Variants in LINGO2 observed in about 807,000 individuals in gnomAD.
LINGO2 encodes the protein leucine rich repeat and Ig domain containing 2, also known as leucine-rich repeat and immunoglobulin-like domain-containing nogo receptor-interacting protein 2.
A neutral mutation model predicts 30.6 loss-of-function variants in LINGO2; 14 were observed. The observed-to-expected ratio is 0.46, with a 90% CI of 0.30 to 0.72. LINGO2 has a LOEUF of 0.72. Among genes scored for constraint, LINGO2 ranks in the 30% least tolerant of loss-of-function variants. The pLI is 0.07. For synonymous variants in LINGO2, 317 were observed against 288.5 expected, an observed-to-expected ratio of 1.10 and a Z score of -1.00; for missense variants, 729 against 751.7, an observed-to-expected ratio of 0.97 and a Z score of 0.35.
At chr9:28,953,356 A>G in the LINGO2 span, among the ~76,000 whole-genome samples, 2 of 152,278 alleles carry the variant, frequency 1.3e-5, no homozygotes, top group East Asian at 1.9e-4. Flanking sequence ...AATGAAGAGC[A>G]TTAATTAATG....
At chr9:28,013,201 C>A (rs1247795067) in intron 4 of LINGO2, among the ~76,000 whole-genome samples, 2 of 152,136 alleles carry the variant, frequency 1.3e-5, no homozygotes, top group Non-Finnish European at 2.9e-5. Context: ...ACATAGAATT[C>A]CCTATTTCTG....
intron 1 of LINGO2, among the ~76,000 whole-genome samples, chr9:28,561,133 T>C (rs1312454982): frequency 6.6e-6 from 1 of 152,032 alleles, no homozygotes; most frequent in Non-Finnish European, 1.5e-5. Context: ...TACTTATCAG[T>C]ACCCTTATGT....
the LINGO2 span, among the ~76,000 whole-genome samples, chr9:28,834,059 GT>G: frequency 5.4e-5 from 8 of 149,478 alleles, no homozygotes; most frequent in Non-Finnish European, 1.2e-4. Flanking sequence ...ATCTCCTAAT[GT>G]GCCTACTCTA....
At chr9:28,257,721 T>C (rs182782459) in intron 4 of LINGO2, among the ~76,000 whole-genome samples, 60 of 152,044 alleles carry the variant, frequency 3.9e-4, no homozygotes, top group Admixed American at 1.4e-3. Context: ...TAGAGCTATT[T>C]CTGCCCAGTA....
the LINGO2 span, among the ~76,000 whole-genome samples, chr9:29,118,986 G>T: frequency 1.3e-5 from 2 of 152,092 alleles, no homozygotes; most frequent in Non-Finnish European, 2.9e-5. Flanking sequence ...TCTGGAATCA[G>T]TCCTGCTCAT....
chr9:28,382,887 G>C (rs1160779233), intron 2 of LINGO2, among the ~76,000 whole-genome samples: 1 of 152,124 alleles, frequency 6.6e-6, no homozygotes, highest in Admixed American at 6.6e-5. Flanking sequence ...TTGATACATT[G>C]AGATCACTAA....
chr9:28,684,175 C>CTTTTTTTTTTTTTTTTTTTTTTTTTTTTT, the LINGO2 span, among the ~76,000 whole-genome samples: 1 of 45,438 alleles, frequency 2.2e-5, no homozygotes, highest in Non-Finnish European at 3.8e-5. Flanking sequence ...AAATGTTTAT[C>CTTTTTTTTTTTTTTTTTTTTTTTTTTTTT]TTTTTTTTTT....
intron 2 of LINGO2, among the ~76,000 whole-genome samples, chr9:28,461,894 C>T (rs1412249627): frequency 6.6e-6 from 1 of 152,106 alleles, no homozygotes; most frequent in Non-Finnish European, 1.5e-5. Flanking sequence ...TTTTTAACTA[C>T]TCTGTGAGTT....
chr9:29,019,262 A>C, the LINGO2 span, among the ~76,000 whole-genome samples: 2 of 152,130 alleles, frequency 1.3e-5, no homozygotes, highest in Non-Finnish European at 2.9e-5. Flanking sequence ...TTAGACTTCA[A>C]ATTTTATTTT....
Position 28,279,037 on chromosome 9 carries a change from T to G in LINGO2, c.-87+16171A>C, listed in dbSNP as rs1332506917. 2.0e-5 allele frequency among the ~76,000 whole-genome samples: 3 copies of G among 152,252 alleles called. No homozygotes were observed. In the East Asian group the frequency reaches 5.8e-4, roughly 29 times the overall value. On this transcript the variant is annotated intron_variant, in intron 4 of 5. Transcript: ENST00000379992. ...GACTTTGAAAGGTTACAGGCTTCGG[T>G]AGAGAAAGTAACTACAAATGAGGTA...
intron 1 of LINGO2, among the ~76,000 whole-genome samples, chr9:28,615,343 C>A (rs117342444): frequency 1.3e-5 from 2 of 152,124 alleles, no homozygotes; most frequent in Non-Finnish European, 2.9e-5. Context: ...TAAACGCCTA[C>A]GCAAGTCCAA....
At chr9:29,120,139 A>G in the LINGO2 span, among the ~76,000 whole-genome samples, 3 of 152,184 alleles carry the variant, frequency 2.0e-5, no homozygotes. Context: ...AGAAATGCCA[A>G]TATCCAAGGC....
chr9:29,199,253 T>G, the LINGO2 span, among the ~76,000 whole-genome samples: 9 of 152,060 alleles, frequency 5.9e-5, no homozygotes, highest in African/African-American at 1.9e-4. Context: ...ACTTCAAAAC[T>G]CATTAATCAG....
At chr9:28,941,421 C>T in the LINGO2 span, among the ~76,000 whole-genome samples, 1 of 152,082 alleles carries the variant, frequency 6.6e-6, no homozygotes, top group Non-Finnish European at 1.5e-5. Context: ...ATGATAGTAC[C>T]ACAAGTGTCT....
At chr9:27,985,598 G>T (rs1027154818) in intron 5 of LINGO2, among the ~76,000 whole-genome samples, 3 of 134,306 alleles carry the variant, frequency 2.2e-5, no homozygotes, top group African/African-American at 3.3e-5. Flanking sequence ...ACAAGAAAAA[G>T]TGTAGTACAA....
chr9:29,091,383 T>C, the LINGO2 span, among the ~76,000 whole-genome samples: 9 of 148,406 alleles, frequency 6.1e-5, no homozygotes, highest in African/African-American at 2.0e-4. Context: ...AAGAATTCCA[T>C]ATGAATAGTA....
chr9:28,791,320 T>C, the LINGO2 span, among the ~76,000 whole-genome samples: 7 of 152,098 alleles, frequency 4.6e-5, no homozygotes, highest in Non-Finnish European at 1.0e-4. Context: ...CTGTATGTAA[T>C]CTTGAACACT....
At chr9:28,684,539 C>G in the LINGO2 span, among the ~76,000 whole-genome samples, 1 of 149,466 alleles carries the variant, frequency 6.7e-6, no homozygotes, top group South Asian at 2.1e-4. Flanking sequence ...CACTGTCACC[C>G]AGGCTGCTGA....
At chr9:29,015,214 G>A in the LINGO2 span, among the ~76,000 whole-genome samples, 1 of 152,124 alleles carries the variant, frequency 6.6e-6, no homozygotes, top group East Asian at 1.9e-4. Context: ...TGCTACTTGG[G>A]TGATGGATAC....
Sources: allele counts gnomAD v4.1 joint callset (sites outside exome capture counted in the v4.1 genomes callset), GRCh38; gene constraint gnomAD v4.1.1; transcripts MANE v1.5; gene names NCBI Gene and HGNC (gene_info 2026-07-23, HGNC 2026-07-21).